Variants in ZNF484 observed in about 807,000 individuals in gnomAD.
ZNF484 encodes the protein zinc finger protein 484.
A neutral mutation model predicts 12.9 loss-of-function variants in ZNF484; 11 were observed. The observed-to-expected ratio is 0.85, with a 90% CI of 0.54 to 1.41. The LOEUF (loss-of-function observed/expected upper bound fraction) is 1.41. Ranked by LOEUF, ZNF484 falls within the 40% of genes most tolerant of loss-of-function variation. The probability of loss-of-function intolerance (pLI) is 0.00; values close to 1 mark genes in which losing one functional copy is unlikely to be tolerated. For missense variants in ZNF484, 807 were observed against 1,007.7 expected (o/e 0.80, Z 2.70); for synonymous variants, 289 against 334.1 (o/e 0.86, Z 1.47).
intron 2 of ZNF484, among the ~76,000 whole-genome samples, chr9:92,866,561 A>G (rs574226022): frequency 3.9e-5 from 6 of 152,384 alleles, no homozygotes; most frequent in African/African-American, 7.2e-5. Context: ...AATTAGTTCA[A>G]CCATTGTGGA....
chr9:92,871,308 A>G (rs979144349), intron 2 of ZNF484, among the ~76,000 whole-genome samples: 3 of 152,192 alleles, frequency 2.0e-5, no homozygotes, highest in African/African-American at 4.8e-5. Flanking sequence ...GATGGGCTCA[A>G]AAGAATGGAG....
In ZNF484 at chr9:92,847,890, C is replaced by G; in HGVS notation, c.897G>C (p.Arg299Ser). Residue 299 changes from arginine to serine, a missense_variant, in exon 5 of 5, where the codon AGG becomes AGC. Physicochemically the swap from Arg to Ser is moderately radical, Grantham distance 110. Coordinates refer to ENST00000375495, the MANE Select transcript of ZNF484 (RefSeq NM_031486.4). ...ATTCAGTGCATATTCCTGCATAAAC[C>G]CTCTGACTGCCATCAAGCTGGGACT... is the stretch of plus-strand genomic sequence containing the variant. ...TQKSQLDGSQRVYAGICTEYE... is the reference protein window; with the variant it reads ...TQKSQLDGSQSVYAGICTEYE... The G allele has an allele frequency of 6.2e-7, 1 of 1,614,142 alleles. No individual in the cohort carries two copies. The highest frequency in any genetic ancestry group is 1.1e-5 in the South Asian group (1 of 91,082).
At chr9:92,868,106 G>A (rs760297820) in intron 2 of ZNF484, among the ~76,000 whole-genome samples, 17 of 152,168 alleles carry the variant, frequency 1.1e-4, no homozygotes, top group Admixed American at 5.2e-4. Context: ...GAGGTCATAT[G>A]TCCAAAATAG....
intron 2 of ZNF484, among the ~76,000 whole-genome samples, chr9:92,862,501 G>A (rs2118062202): frequency 6.6e-6 from 1 of 152,120 alleles, no homozygotes; most frequent in Middle Eastern, 3.4e-3. Flanking sequence ...TGCAAGCAGA[G>A]TAGGGCAAAG....
chr9:92,861,682 G>T (rs765360938), intron 2 of ZNF484, among the ~76,000 whole-genome samples: 2 of 152,120 alleles, frequency 1.3e-5, no homozygotes, highest in Non-Finnish European at 2.9e-5. Context: ...CAGCCTAAGG[G>T]ACCCAGCGGG....
rs541640494 is a variant in ZNF484 at position 92,855,712 on chromosome 9, T to C, written c.235+99A>G. ...TTCCAAGCAGTTCTAAAAGTCATTA[T>C]TAATGACACATCAAAGTTGGGCAAA... On this transcript the variant is annotated intron_variant, in intron 4 of 4. Transcript: ENST00000375495. 7 of 1,039,740 alleles carry C rather than the reference T, an allele frequency of 6.7e-6. No homozygotes were observed. The African/African-American group carries it at 7.9e-5, about 12-fold the overall frequency. The allele number at this position is 1,039,740 out of a possible 1,614,324, so 64.4% of individuals were successfully genotyped here. A position where few individuals can be genotyped will look rare whatever the true frequency, so the allele number is the denominator to read the frequency against.
chr9:92,855,775 T>TCATA, intron 4 of ZNF484, 36 bp downstream of exon 4: 1 of 1,594,708 alleles, frequency 6.3e-7, no homozygotes, highest in Non-Finnish European at 8.6e-7. Context: ...TGCAGCTGAG[T>TCATA]CATACTGTCT....
intron 2 of ZNF484, chr9:92,862,179 TAAAA>T: frequency 9.5e-6 from 9 of 948,656 alleles, no homozygotes; most frequent in Non-Finnish European, 1.1e-5. Context: ...AAAAAAAAAA[TAAAA>T]AAAGAATTAA....
chr9:92,870,999 T>A (rs1385346533), intron 2 of ZNF484, among the ~76,000 whole-genome samples: 2 of 152,042 alleles, frequency 1.3e-5, no homozygotes, highest in Non-Finnish European at 2.9e-5. Flanking sequence ...TCAAATAAGA[T>A]CTAGAGTCTC....
chr9:92,862,042 G>A, intron 2 of ZNF484: 1 of 509,708 alleles, frequency 2.0e-6, no homozygotes, highest in Non-Finnish European at 2.5e-6. Context: ...TATTTTTCAA[G>A]TGCTGAAGAG....
intron 2 of ZNF484, among the ~76,000 whole-genome samples, chr9:92,865,556 G>A (rs1260954415): frequency 6.6e-6 from 1 of 152,154 alleles, no homozygotes. Flanking sequence ...GCACACTACT[G>A]GTAGGAATAC....
At chr9:92,877,832 G>A in intron 1 of ZNF484, 58 bp downstream of exon 1, 1 of 1,535,794 alleles carries the variant, frequency 6.5e-7, no homozygotes. Flanking sequence ...GAAGGCTCAG[G>A]ACAGACATCA....
At chr9:92,854,736 A>C (rs1047857043) in intron 4 of ZNF484, among the ~76,000 whole-genome samples, 1 of 152,056 alleles carries the variant, frequency 6.6e-6, no homozygotes, top group African/African-American at 2.4e-5. Flanking sequence ...TAAATAAATA[A>C]ATTATCATTT....
At chr9:92,868,774 G>C (rs1857258588) in intron 2 of ZNF484, among the ~76,000 whole-genome samples, 1 of 152,168 alleles carries the variant, frequency 6.6e-6, no homozygotes, top group South Asian at 2.1e-4. Flanking sequence ...CACCTCCCCA[G>C]AGAGGGCATT....
At chr9:92,850,847 T>G (rs551082225) in intron 4 of ZNF484, among the ~76,000 whole-genome samples, 1 of 152,346 alleles carries the variant, frequency 6.6e-6, no homozygotes, top group Admixed American at 6.5e-5. Context: ...TCTGCCTGCC[T>G]CAGCCTCCCA....
intron 2 of ZNF484, among the ~76,000 whole-genome samples, chr9:92,863,280 G>GTC: frequency 9.4e-6 from 1 of 106,456 alleles, no homozygotes; most frequent in Non-Finnish European, 1.8e-5. Flanking sequence ...AGGGTGGGGG[G>GTC]TGGGAGAGCA....
At chr9:92,853,468 A>G (rs1237334299) in intron 4 of ZNF484, among the ~76,000 whole-genome samples, 1 of 152,224 alleles carries the variant, frequency 6.6e-6, no homozygotes, top group Non-Finnish European at 1.5e-5. Context: ...TGTATACAAT[A>G]GGGCCAATGC....
At chr9:92,862,200 T>C in intron 2 of ZNF484, 1 of 908,970 alleles carries the variant, frequency 1.1e-6, no homozygotes, top group Non-Finnish European at 1.3e-6. Context: ...TTAACTGCCA[T>C]ACATTTATTA....
chr9:92,877,423 T>C (rs2118332168), intron 1 of ZNF484, among the ~76,000 whole-genome samples: 1 of 151,804 alleles, frequency 6.6e-6, no homozygotes, highest in Admixed American at 6.5e-5. Flanking sequence ...GAGCTACTAG[T>C]CTGGATATGA....
Sources: gnomAD v4.1 joint callset for allele counts (sites outside exome capture counted in the v4.1 genomes callset) on GRCh38, gnomAD v4.1.1 for gene constraint, MANE v1.5 for transcripts, NCBI Gene and HGNC (gene_info 2026-07-23, HGNC 2026-07-21) for gene names.